The following CTLA4 variants were observed in gnomAD, a reference collection of about 807,000 sequenced individuals.
The protein encoded by CTLA4 is cytotoxic T-lymphocyte associated protein 4.
In CTLA4, 3 loss-of-function variants were observed where a neutral mutation model predicts 20.4. The ratio of observed to expected loss-of-function variants is 0.15; its 90% CI spans 0.07 to 0.38. The LOEUF is 0.38. Among genes scored for constraint, CTLA4 ranks in the 10% least tolerant of loss-of-function variants. The pLI is 1.00. For missense variants in CTLA4, 184 were observed against 276.8 expected (o/e 0.66, Z 2.38); for synonymous variants, 100 against 105.2 (o/e 0.95, Z 0.30).
Position 203,872,137 on chromosome 2 carries a change from C to A in CTLA4, c.568-571C>A, listed in dbSNP as rs11571324. Among the ~76,000 whole-genome samples, 550 of 152,332 alleles carry A rather than the reference C, an allele frequency of 3.6e-3. 3 individuals are homozygous for A. Among genetic ancestry groups the A allele is most frequent in the Non-Finnish European group, 6.2e-3 (423 of 68,040 alleles). On this transcript the variant is annotated intron_variant, in intron 3 of 3. Transcript: ENST00000648405. ...TCTTTTTGACAGTCCCTCTCAGACA[C>A]CTCTGCCTAAGGCCAGCTTTGCCAT... is the stretch of plus-strand genomic sequence containing the variant.
intron 2 of CTLA4, 24 bp from the exon 3 acceptor site, chr2:203,871,354 G>T (rs200271600): frequency 1.9e-6 from 3 of 1,589,312 alleles, no homozygotes; most frequent in Non-Finnish European, 2.6e-6. Flanking sequence ...TCTCAGGGAG[G>T]CTCTGCTTTG....
In CTLA4 at chr2:203,872,603, C is replaced by A. The variant is rs1688753162; in HGVS notation, c.568-105C>A. ...TATAATTCTGTATGCTGTGAACATT[C>A]ATTTTTAACCAGCTAGGGACCCAAT... On this transcript the variant is annotated intron_variant, in intron 3 of 3. Transcript: ENST00000648405. 4.2e-5 allele frequency: 26 copies of A among 621,180 alleles called. No homozygotes were observed. In the South Asian group the frequency reaches 6.1e-4, roughly 15 times the overall value. The allele number at this position is 621,180 out of a possible 1,614,324, so 38.5% of individuals were successfully genotyped here.
At position 203,872,991 on chromosome 2, in the gene CTLA4, A is replaced by G; in HGVS notation, c.*179A>G. The G allele has an allele frequency of 1.7e-6, 1 of 596,348 alleles. No homozygotes were observed. Among genetic ancestry groups the G allele is most frequent in the Non-Finnish European group, 3.0e-6 (1 of 335,528 alleles). 36.9% of individuals were successfully genotyped at this position (596,348 alleles called of 1,614,324 possible). ...GTACTACAATTTAAAGCAAAGGAGT[A>G]GAAAGACAGAGCTGGGATGTTTCTG... On this transcript the variant is annotated 3_prime_UTR_variant, in exon 4 of 4. Transcript: ENST00000648405.
In CTLA4 at chr2:203,873,284, C is replaced by A. The variant is rs1189259199; in HGVS notation, c.*472C>A. The A allele has an allele frequency of 4.3e-5, 16 of 368,504 alleles. No individual in the cohort carries two copies. The highest frequency in any genetic ancestry group is 7.6e-5 in the Non-Finnish European group (16 of 210,378). The allele number at this position is 368,504 out of a possible 1,614,324, so 22.8% of individuals were successfully genotyped here. The stretch of plus-strand genomic sequence containing the variant: ...CAAGGCTTCAAAAATACTCACATGG[C>A]TATGTTTTAGCCAGTGATGCTAAAG... On this transcript the variant is annotated 3_prime_UTR_variant, in exon 4 of 4. Transcript: ENST00000648405.
intron 1 of CTLA4, among the ~76,000 whole-genome samples, chr2:203,868,424 C>T (rs1316709053): frequency 1.3e-5 from 2 of 152,086 alleles, no homozygotes; most frequent in East Asian, 3.8e-4. Flanking sequence ...TCACAAGTTC[C>T]TTTAAAAAAA....
At position 203,873,089 on chromosome 2, in the gene CTLA4, A is replaced by C. The variant is rs988988806; in HGVS notation, c.*277A>C. ...GGGATGCAGCATTATGATGTGGGTC[A>C]AGGAATTAAGTTAGGGAATGGCACA... On this transcript the variant is annotated 3_prime_UTR_variant, in exon 4 of 4. Transcript: ENST00000648405. 9 of 546,506 alleles carry C rather than the reference A, an allele frequency of 1.6e-5. No homozygotes were observed. Among genetic ancestry groups the C allele is most frequent in the South Asian group, 1.2e-4 (4 of 33,780 alleles). 33.9% of individuals were successfully genotyped at this position (546,506 alleles called of 1,614,324 possible). A position where few individuals can be genotyped will look rare whatever the true frequency, so the allele number is the denominator to read the frequency against.
At position 203,870,014 on chromosome 2, in the gene CTLA4, A is replaced by G. The variant is rs368557063; in HGVS notation, c.110-572A>G. Among the ~76,000 whole-genome samples, 1 of 152,192 alleles carries G rather than the reference A, an allele frequency of 6.6e-6. No homozygotes were observed. Among genetic ancestry groups the G allele is most frequent in the Non-Finnish European group, 1.5e-5 (1 of 68,028 alleles). On this transcript the variant is annotated intron_variant, in intron 1 of 3. Transcript: ENST00000648405. The surrounding 1 kb of genome is among the most constrained non-coding windows in gnomAD (Gnocchi z 5.3). ...TGCCAGGGAAGGCGGAGGCTGGTACAGTGCATCAAGACACAGCTACTCCTG... is the reference window on the plus strand; with the variant it reads ...TGCCAGGGAAGGCGGAGGCTGGTACGGTGCATCAAGACACAGCTACTCCTG...
rs757989570 is a variant in CTLA4, at chr2:203,870,903, A to G, written c.427A>G (p.Ile143Val). 6.2e-7 allele frequency: 1 copy of G among 1,613,934 alleles called. No individual in the cohort carries two copies. The highest frequency in any genetic ancestry group is 1.7e-5 in the Admixed American group (1 of 60,022). The stretch of plus-strand genomic sequence containing the variant: ...GTACCCACCGCCATACTACCTGGGC[A>G]TAGGCAACGGAACCCAGATTTATGT... ...LMYPPPYYLG[I>V]GNGTQIYVID... The change falls in exon 2 of 4, where the codon ATA becomes GTA. Residue 143 changes from isoleucine to valine, a missense_variant. Physicochemically the swap from Ile to Val is conservative, Grantham distance 29. Coordinates refer to ENST00000648405, the MANE Select transcript of CTLA4 (RefSeq NM_005214.5). This position sits in a 1 kb window ranked among gnomAD's most constrained non-coding sequence, Gnocchi z 5.3.
At chr2:203,869,815 A>T (rs1482030283) in intron 1 of CTLA4, among the ~76,000 whole-genome samples, 1 of 152,198 alleles carries the variant, frequency 6.6e-6, no homozygotes, top group South Asian at 2.1e-4. Flanking sequence ...AAGAGAACAA[A>T]GGAGCATGGG....
chr2:203,872,253 T>G (rs1420185834), intron 3 of CTLA4, among the ~76,000 whole-genome samples: 1 of 152,164 alleles, frequency 6.6e-6, no homozygotes, highest in Non-Finnish European at 1.5e-5. Context: ...TCTCTGTCTC[T>G]TATACACATA....
chr2:203,869,521 G>A (rs1428820905), intron 1 of CTLA4, among the ~76,000 whole-genome samples: 1 of 152,240 alleles, frequency 6.6e-6, no homozygotes, highest in Non-Finnish European at 1.5e-5. Flanking sequence ...AAGCAGGAAA[G>A]TGTGTCCTAG....
Position 203,868,024 on chromosome 2 carries a change from C to G in CTLA4, c.82C>G (p.Leu28Val). ...CTGGCCCTGCACTCTCCTGTTTTTT[C>G]TTCTCTTCATCCCTGTCTTCTGCAA... ...RTWPCTLLFF[L>V]LFIPVFCKAM... The change falls in exon 1 of 4, where the codon CTT (leucine) becomes GTT (valine). Residue 28 changes from leucine to valine, a missense_variant. By Grantham distance (32) the Leu-to-Val change is conservative. Transcript: ENST00000648405. 6.2e-7 allele frequency: 1 copy of G among 1,613,862 alleles called. No homozygotes were observed. Among genetic ancestry groups the G allele is most frequent in the Non-Finnish European group, 8.5e-7 (1 of 1,179,736 alleles).
At chr2:203,872,657 T>C (rs756092565) in intron 3 of CTLA4, 51 bp from the exon 4 acceptor site, 2 of 1,117,850 alleles carry the variant, frequency 1.8e-6, no homozygotes, top group Admixed American at 3.4e-5. Flanking sequence ...TGGTTAGAAG[T>C]GGCTTCCGTA....
Position 203,867,830 on chromosome 2 carries a change from C to A in CTLA4, c.-113C>A. ...GTGTAATACATATCTGGGATCAAAG[C>A]TATCTATATAAAGTCCTTGATTCTG... On this transcript the variant is annotated 5_prime_UTR_variant, in exon 1 of 4. Coordinates refer to ENST00000648405, the MANE Select transcript of CTLA4 (RefSeq NM_005214.5). The A allele has an allele frequency of 1.5e-6, 1 of 667,158 alleles. No homozygotes were observed. Among genetic ancestry groups the A allele is most frequent in the Non-Finnish European group, 2.6e-6 (1 of 382,108 alleles). 41.3% of individuals were successfully genotyped at this position (667,158 alleles called of 1,614,324 possible). A position where few individuals can be genotyped will look rare whatever the true frequency, so the allele number is the denominator to read the frequency against.
chr2:203,873,586 T>C lies in CTLA4; in HGVS notation c.*774T>C, dbSNP rs1420277246. The C allele has an allele frequency of 4.6e-6, 1 of 216,926 alleles. No homozygotes were observed. The highest frequency in any genetic ancestry group is 9.2e-6 in the Non-Finnish European group (1 of 108,136). The allele number at this position is 216,926 out of a possible 1,614,324, so 13.4% of individuals were successfully genotyped here. On this transcript the variant is annotated 3_prime_UTR_variant, in exon 4 of 4. Transcript: ENST00000648405. ...AAACTGGATGAGGTCATAGCAGTGCTTGATTGCGTGGAATTGTGCTGAGTT... is the reference window on the plus strand; with the variant it reads ...AAACTGGATGAGGTCATAGCAGTGCCTGATTGCGTGGAATTGTGCTGAGTT...
In CTLA4 at chr2:203,870,180, T is replaced by G; in HGVS notation, c.110-406T>G. The G allele has an allele frequency of 4.7e-6, 1 of 213,772 alleles. No homozygotes were observed. The highest frequency in any genetic ancestry group is 9.5e-6 in the Non-Finnish European group (1 of 105,536). The allele number at this position is 213,772 out of a possible 1,614,324, so 13.2% of individuals were successfully genotyped here. A position where few individuals can be genotyped will look rare whatever the true frequency, so the allele number is the denominator to read the frequency against. On this transcript the variant is annotated intron_variant, in intron 1 of 3. Transcript: ENST00000648405. The surrounding 1 kb of genome is among the most constrained non-coding windows in gnomAD (Gnocchi z 5.3). The stretch of plus-strand genomic sequence containing the variant: ...TAGTTCCGGAGCTATATAGCTCCTA[T>G]CATTCTATCATAACCTTAGAATACC...
intron 3 of CTLA4, 74 bp downstream of exon 3, chr2:203,871,561 G>A (rs572942037): frequency 3.6e-5 from 41 of 1,145,508 alleles, no homozygotes; most frequent in Non-Finnish European, 5.2e-5. Flanking sequence ...AAAAGATGAT[G>A]TTGAGTTTAG....
intron 2 of CTLA4, 65 bp from the exon 3 acceptor site, chr2:203,871,313 T>C: frequency 9.4e-6 from 13 of 1,381,128 alleles, no homozygotes; most frequent in South Asian, 5.9e-5. Flanking sequence ...TTCACCAATG[T>C]TGGGGAGTAG....
Position 203,873,726 on chromosome 2 carries a change from C to A in CTLA4, c.*914C>A. 4.5e-6 allele frequency: 1 copy of A among 223,456 alleles called. No homozygotes were observed. 13.8% of individuals were successfully genotyped at this position (223,456 alleles called of 1,614,324 possible). ...CAGAACACTGTCTTGAAGACAATGG[C>A]TTACTCCAGGAGACCCACAGGTATG... is the stretch of plus-strand genomic sequence containing the variant. On this transcript the variant is annotated 3_prime_UTR_variant, in exon 4 of 4. Transcript: ENST00000648405.
Sources: gnomAD v4.1 joint callset for allele counts (sites outside exome capture counted in the v4.1 genomes callset) on GRCh38, gnomAD v4.1.1 for gene constraint, Gnocchi (gnomAD v3.1) non-coding constraint, MANE v1.5 for transcripts, NCBI Gene and HGNC (gene_info 2026-07-23, HGNC 2026-07-21) for gene names.